The following ELN variants were observed in gnomAD, a reference collection of about 807,000 sequenced individuals.
The protein encoded by ELN is tropoelastin.
ELN carries 65 observed loss-of-function variants against 105.8 expected under a neutral mutation model. That is an observed-to-expected ratio of 0.61 (90% confidence interval 0.50 to 0.75). The LOEUF is 0.75. ELN is among the 30% of genes least tolerant of loss of function. The probability of loss-of-function intolerance (pLI) is 0.00; values close to 1 mark genes in which losing one functional copy is unlikely to be tolerated. For missense variants in ELN, 882 were observed against 969.4 expected, an observed-to-expected ratio of 0.91 and a Z score of 1.20; for synonymous variants, 368 against 389.2, an observed-to-expected ratio of 0.95 and a Z score of 0.64.
At chr7:74,042,786 A>C in intron 6 of ELN, 80 bp downstream of exon 6, 2 of 1,566,336 alleles carry the variant, frequency 1.3e-6, no homozygotes, top group Non-Finnish European at 8.7e-7. Flanking sequence ...CCTTCCCTCA[A>C]CTCAGGCTTG....
At chr7:74,057,236 T>C in intron 21 of ELN, 1 of 708,494 alleles carries the variant, frequency 1.4e-6, no homozygotes, top group Non-Finnish European at 2.1e-6. Context: ...AGACTCCAAC[T>C]CTAAAAATAA....
chr7:74,029,832 A>G (rs149274022), intron 1 of ELN, among the ~76,000 whole-genome samples: 27 of 152,294 alleles, frequency 1.8e-4, no homozygotes, highest in African/African-American at 6.3e-4. Context: ...GAGAATTAGA[A>G]ATTATTATCA....
chr7:74,031,326 A>G (rs1233661381), intron 1 of ELN, among the ~76,000 whole-genome samples: 2 of 152,248 alleles, frequency 1.3e-5, no homozygotes, highest in Admixed American at 1.3e-4. Context: ...CTGGGGGGAA[A>G]AAAAGCATCA....
Position 74,045,218 on chromosome 7 carries a change from G to A in ELN, c.470-4G>A. 6.2e-7 allele frequency: 1 copy of A among 1,614,012 alleles called. No individual in the cohort carries two copies. The highest frequency in any genetic ancestry group is 8.5e-7 in the Non-Finnish European group (1 of 1,180,024). ...CCTACACTCACTGCTTTGTCCCCCG[G>A]CAGGAGCTCGGTTCCCCGGTGTGGG... On this transcript the variant is annotated splice_region_variant and splice_polypyrimidine_tract_variant and intron_variant, in intron 9 of 32. Coordinates refer to ENST00000252034, the MANE Select transcript of ELN (RefSeq NM_000501.4).
At chr7:74,043,569 A>G in intron 8 of ELN, 1 of 648,772 alleles carries the variant, frequency 1.5e-6, no homozygotes, top group Non-Finnish European at 2.8e-6. Context: ...ACTTCAGGTT[A>G]AACAAAAGAC....
chr7:74,057,722 G>A, intron 22 of ELN, 26 bp downstream of exon 22: 2 of 1,612,236 alleles, frequency 1.2e-6, no homozygotes, highest in Non-Finnish European at 1.7e-6. Context: ...CCCCGCCACT[G>A]GCTCACGGAG....
chr7:74,065,291 T>C (rs781986259), intron 29 of ELN, among the ~76,000 whole-genome samples: 5 of 151,606 alleles, frequency 3.3e-5, no homozygotes, highest in Non-Finnish European at 5.9e-5. Flanking sequence ...GATGAGTCCA[T>C]GGGCAGACGG....
At chr7:74,034,232 C>T (rs1223683859) in intron 1 of ELN, among the ~76,000 whole-genome samples, 1 of 152,180 alleles carries the variant, frequency 6.6e-6, no homozygotes, top group Non-Finnish European at 1.5e-5. Flanking sequence ...TTTGTGCTGG[C>T]AGCTGCACCT....
intron 1 of ELN, 102 bp downstream of exon 1, chr7:74,028,371 G>T: frequency 7.4e-7 from 1 of 1,353,278 alleles, no homozygotes; most frequent in Non-Finnish European, 1.0e-6. Flanking sequence ...CCTGGGAACT[G>T]CAAGGGGTCC....
intron 1 of ELN, among the ~76,000 whole-genome samples, chr7:74,031,358 G>A (rs1279715061): frequency 6.6e-6 from 1 of 152,180 alleles, no homozygotes; most frequent in African/African-American, 2.4e-5. Context: ...CGTGGGAATG[G>A]GCATTTTTAA....
At chr7:74,032,508 C>G (rs542236380) in intron 1 of ELN, among the ~76,000 whole-genome samples, 49 of 152,238 alleles carry the variant, frequency 3.2e-4, no homozygotes, top group Middle Eastern at 3.2e-3. Flanking sequence ...TCTCACCTCT[C>G]TCACTTGCAG....
At chr7:74,046,341 G>T (rs1563798472) in intron 11 of ELN, 124 bp downstream of exon 11, 1 of 1,367,814 alleles carries the variant, frequency 7.3e-7, no homozygotes, top group Non-Finnish European at 1.0e-6. Flanking sequence ...GCAGAGCCAG[G>T]TCTTGCAGTG....
At chr7:74,044,713 C>T (rs1792054994) in intron 9 of ELN, among the ~76,000 whole-genome samples, 1 of 152,216 alleles carries the variant, frequency 6.6e-6, no homozygotes, top group Non-Finnish European at 1.5e-5. Context: ...ATGGAGTGGC[C>T]CTTCCTCCCT....
At chr7:74,047,041 G>A (rs549755108) in intron 12 of ELN, among the ~76,000 whole-genome samples, 6 of 152,072 alleles carry the variant, frequency 3.9e-5, no homozygotes, top group South Asian at 4.1e-4. Flanking sequence ...CTGAGATCGC[G>A]CTACTGCACT....
intron 5 of ELN, among the ~76,000 whole-genome samples, chr7:74,041,789 C>T (rs1013170506): frequency 4.6e-5 from 7 of 152,112 alleles, no homozygotes; most frequent in African/African-American, 1.7e-4. Context: ...CAGCTCCCCG[C>T]ACCTGGTGCA....
chr7:74,056,545 G>A (rs1188976767), intron 20 of ELN, 110 bp downstream of exon 20: 3 of 1,600,542 alleles, frequency 1.9e-6, no homozygotes, highest in Non-Finnish European at 8.6e-7. Context: ...AATGTGCTCA[G>A]GGAGGAGTTG....
Position 74,041,218 on chromosome 7 carries a change from C to T in ELN, c.199C>T (p.Pro67Ser). ...GPGGKPLKPVPGGLAGAGLGA... is the reference protein window; with the variant it reads ...GPGGKPLKPVSGGLAGAGLGA... ...CTGTCTCTGTTTCTTATCCACAGTT[C>T]CCGGAGGGCTTGCGGGTGCTGGCCT... The change falls in exon 5 of 33, where the codon CCC becomes TCC. Residue 67 changes from proline to serine, a missense_variant and splice_region_variant. By Grantham distance (74) the Pro-to-Ser change is moderately conservative (BLOSUM62 -1). Coordinates refer to ENST00000252034, the MANE Select transcript of ELN (RefSeq NM_000501.4). 6.2e-7 allele frequency: 1 copy of T among 1,614,008 alleles called. No individual in the cohort carries two copies. The highest frequency in any genetic ancestry group is 8.5e-7 in the Non-Finnish European group (1 of 1,179,892).
chr7:74,046,023 G>T, intron 10 of ELN, 165 bp from the exon 11 acceptor site: 1 of 929,706 alleles, frequency 1.1e-6, no homozygotes, highest in Non-Finnish European at 1.6e-6. Context: ...CGACAAGAGC[G>T]AAACTCCATC....
At chr7:74,053,773 TG>T (rs1794659043) in intron 18 of ELN, among the ~76,000 whole-genome samples, 1 of 146,682 alleles carries the variant, frequency 6.8e-6, no homozygotes, top group African/African-American at 2.6e-5. Context: ...GATGGATGGA[TG>T]GATGAATAAG....
Sources: allele counts gnomAD v4.1 joint callset (sites outside exome capture counted in the v4.1 genomes callset), GRCh38; gene constraint gnomAD v4.1.1; transcripts MANE v1.5; gene names NCBI Gene and HGNC (gene_info 2026-07-23, HGNC 2026-07-21).